Variants in STK32B observed in about 807,000 individuals in gnomAD.
STK32B encodes serine/threonine kinase 32B.
Under a neutral mutation model 52.6 loss-of-function variants are expected in STK32B, and 43 were observed. The observed-to-expected ratio is 0.82, with a 90% CI of 0.64 to 1.05. The LOEUF is 1.05. Ranked by LOEUF, STK32B falls within the 50% of genes least tolerant of loss-of-function variation. The pLI, the probability that STK32B is intolerant of heterozygous loss-of-function variation, is 0.00. For missense variants in STK32B, 621 were observed against 534.6 expected, an observed-to-expected ratio of 1.16 and a Z score of -1.59; for synonymous variants, 238 against 204.3, an observed-to-expected ratio of 1.17 and a Z score of -1.41.
intron 3 of STK32B, among the ~76,000 whole-genome samples, chr4:5,322,023 T>TAG (rs1731530706): frequency 1.4e-5 from 1 of 71,674 alleles, no homozygotes; most frequent in African/African-American, 3.8e-5. Flanking sequence ...AAAAAAAAAG[T>TAG]GGTGGGAGTG....
chr4:5,142,490 C>A (rs1290306126), intron 2 of STK32B, among the ~76,000 whole-genome samples: 1 of 152,174 alleles, frequency 6.6e-6, no homozygotes, highest in African/African-American at 2.4e-5. Flanking sequence ...GAGCTTCTTG[C>A]CTTTTCAGAA....
At chr4:5,448,986 T>C (rs1715727924) in intron 7 of STK32B, among the ~76,000 whole-genome samples, 1 of 152,200 alleles carries the variant, frequency 6.6e-6, no homozygotes, top group South Asian at 2.1e-4. Flanking sequence ...TCCTCAGTGA[T>C]GTCAATGACA....
intron 2 of STK32B, among the ~76,000 whole-genome samples, chr4:5,143,308 C>G (rs1291485651): frequency 6.6e-6 from 1 of 152,180 alleles, no homozygotes; most frequent in African/African-American, 2.4e-5. Context: ...CAAACTGTTT[C>G]ACATGAGTTT....
At chr4:5,309,521 G>A (rs1201658416) in intron 3 of STK32B, among the ~76,000 whole-genome samples, 1 of 152,112 alleles carries the variant, frequency 6.6e-6, no homozygotes, top group Non-Finnish European at 1.5e-5. Flanking sequence ...ACAGTATGGT[G>A]TTGACATGAA....
chr4:5,478,792 C>A (rs1263395165), intron 11 of STK32B, among the ~76,000 whole-genome samples: 1 of 152,192 alleles, frequency 6.6e-6, no homozygotes, highest in Non-Finnish European at 1.5e-5. Context: ...CCTCAATCAC[C>A]GGGCTGCCTT....
At chr4:5,259,370 A>C (rs1418487701) in intron 3 of STK32B, among the ~76,000 whole-genome samples, 1 of 152,176 alleles carries the variant, frequency 6.6e-6, no homozygotes, top group African/African-American at 2.4e-5. Context: ...GTGGATATTC[A>C]CAGAATGCAG....
chr4:5,488,316 A>G (rs1404381326), intron 11 of STK32B, among the ~76,000 whole-genome samples: 1 of 152,166 alleles, frequency 6.6e-6, no homozygotes, highest in East Asian at 1.9e-4. Context: ...AACAAAATCA[A>G]TGTAAGATTT....
chr4:5,034,753 A>G, the STK32B span, among the ~76,000 whole-genome samples: 1 of 152,202 alleles, frequency 6.6e-6, no homozygotes, highest in African/African-American at 2.4e-5. Context: ...GCCCTTGAAC[A>G]AATCAATCAG....
At chr4:5,253,836 T>C (rs73211129) in intron 3 of STK32B, among the ~76,000 whole-genome samples, 14,313 of 152,332 alleles carry the variant, frequency 0.094, 871 homozygotes, top group Non-Finnish European at 0.14. Flanking sequence ...GGATGGATAA[T>C]GGTATCTACT....
intron 3 of STK32B, among the ~76,000 whole-genome samples, chr4:5,238,853 G>T (rs1478006707): frequency 1.3e-5 from 2 of 152,168 alleles, no homozygotes; most frequent in East Asian, 1.9e-4. Context: ...TGCCCTCAAG[G>T]AGTTTAAAGC....
intron 8 of STK32B, among the ~76,000 whole-genome samples, chr4:5,458,348 C>G (rs1716744715): frequency 6.6e-6 from 1 of 152,178 alleles, no homozygotes; most frequent in Non-Finnish European, 1.5e-5. Context: ...ACAATAGCAG[C>G]CAGCACTGTT....
At chr4:5,310,483 T>C (rs1183154748) in intron 3 of STK32B, among the ~76,000 whole-genome samples, 1 of 151,994 alleles carries the variant, frequency 6.6e-6, no homozygotes, top group Non-Finnish European at 1.5e-5. Context: ...AAAACCACAA[T>C]GAGAGATCAT....
At chr4:5,049,456 C>G (rs143574133), upstream of STK32B, among the ~76,000 whole-genome samples, 1 of 152,058 alleles carries the variant, frequency 6.6e-6, no homozygotes, top group Non-Finnish European at 1.5e-5. Flanking sequence ...AAAAGAGAGT[C>G]AGCGAAGAGA....
chr4:5,294,737 C>T (rs1381660717), intron 3 of STK32B, among the ~76,000 whole-genome samples: 1 of 152,152 alleles, frequency 6.6e-6, no homozygotes, highest in Non-Finnish European at 1.5e-5. Context: ...ATTTGACTTC[C>T]TCTATTCCTA....
intron 1 of STK32B, among the ~76,000 whole-genome samples, chr4:5,117,615 T>C (rs1022199175): frequency 2.0e-4 from 31 of 152,174 alleles, no homozygotes; most frequent in African/African-American, 7.2e-4. Flanking sequence ...GTTCTTATAA[T>C]TGGTTTCTAA....
At chr4:5,491,328 G>C (rs1386976236) in intron 11 of STK32B, among the ~76,000 whole-genome samples, 1 of 152,230 alleles carries the variant, frequency 6.6e-6, no homozygotes, top group Non-Finnish European at 1.5e-5. Context: ...CTGATGGCCA[G>C]TGATGGTGAG....
At chr4:5,234,799 A>T (rs1442495782) in intron 3 of STK32B, among the ~76,000 whole-genome samples, 2 of 152,274 alleles carry the variant, frequency 1.3e-5, no homozygotes, top group Non-Finnish European at 2.9e-5. Flanking sequence ...GCCCAAGGGC[A>T]CTCAAAGCAT....
At position 5,428,100 on chromosome 4, in the gene STK32B, A is replaced by T. The variant is rs1000732100; in HGVS notation, c.562+11166A>T. Among the ~76,000 whole-genome samples the T allele has an allele frequency of 5.9e-5, 9 of 151,860 alleles. No homozygotes were observed. In the East Asian group the frequency reaches 1.7e-3, roughly 29 times the overall value. ...CAAATTTAGATATATTGTGCTTTTA[A>T]TTTCATTCAGTTAAAAACATTTCTA... is the stretch of plus-strand genomic sequence containing the variant. On this transcript the variant is annotated intron_variant, in intron 6 of 11. Coordinates refer to ENST00000282908, the MANE Select transcript of STK32B (RefSeq NM_018401.3).
At chr4:5,109,265 C>A (rs931635214) in intron 1 of STK32B, among the ~76,000 whole-genome samples, 27 of 152,164 alleles carry the variant, frequency 1.8e-4, no homozygotes, top group Non-Finnish European at 3.4e-4. Flanking sequence ...AAGGGGAAGG[C>A]AAATGGCCAG....
Sources: allele counts gnomAD v4.1 joint callset (sites outside exome capture counted in the v4.1 genomes callset), GRCh38; gene constraint gnomAD v4.1.1; transcripts MANE v1.5; gene names NCBI Gene and HGNC (gene_info 2026-07-23, HGNC 2026-07-21).